RBPJ: variants seen among roughly 807,000 people sequenced by gnomAD.
RBPJ encodes recombining binding protein suppressor of hairless.
Under a neutral mutation model 67.8 loss-of-function variants are expected in RBPJ, and 9 were observed. That is an observed-to-expected ratio of 0.13 (90% CI 0.08 to 0.23). RBPJ has a LOEUF of 0.23. Among genes scored for constraint, RBPJ ranks in the 10% least tolerant of loss-of-function variants. The pLI is 1.00. For missense variants in RBPJ, 305 were observed against 595.6 expected (o/e 0.51, Z 5.08); for synonymous variants, 198 against 203.3 (o/e 0.97, Z 0.22).
At chr4:26,240,979 C>T (rs868285988) in intron 1 of RBPJ, among the ~76,000 whole-genome samples, 4 of 152,088 alleles carry the variant, frequency 2.6e-5, no homozygotes, top group South Asian at 2.1e-4. Context: ...ACATATCACA[C>T]GTATATAAAT....
chr4:26,295,086 G>A (rs1471677556), intron 1 of RBPJ, among the ~76,000 whole-genome samples: 1 of 152,044 alleles, frequency 6.6e-6, no homozygotes, highest in Non-Finnish European at 1.5e-5. Context: ...TTGGGCTTTG[G>A]GACAAAGAGC....
At chr4:26,122,327 G>A in the RBPJ span, among the ~76,000 whole-genome samples, 1 of 152,104 alleles carries the variant, frequency 6.6e-6, no homozygotes, top group Non-Finnish European at 1.5e-5. Context: ...CCATTAAGTT[G>A]ATTTGGGTTA....
At chr4:26,242,386 G>T (rs1719670305) in intron 1 of RBPJ, among the ~76,000 whole-genome samples, 3 of 150,808 alleles carry the variant, frequency 2.0e-5, no homozygotes, top group African/African-American at 4.9e-5. Context: ...GGTGGAACTT[G>T]CAGTGACAGG....
intron 1 of RBPJ, among the ~76,000 whole-genome samples, chr4:26,169,008 TG>T (rs1716437805): frequency 6.6e-6 from 1 of 152,246 alleles, no homozygotes; most frequent in South Asian, 2.1e-4. Context: ...TCCTTGCCTT[TG>T]GTTTGAATTT....
the RBPJ span, chr4:26,112,985 C>T: frequency 6.7e-4 from 103 of 154,152 alleles, no homozygotes; most frequent in Non-Finnish European, 1.2e-3. Flanking sequence ...AACTCCTGGC[C>T]TCAAGTGATC....
chr4:26,409,564 A>G (rs1166371360), intron 3 of RBPJ, among the ~76,000 whole-genome samples: 3 of 152,072 alleles, frequency 2.0e-5, no homozygotes, highest in East Asian at 1.9e-4. Flanking sequence ...CAGTGGTGCA[A>G]TCTTGGCTTA....
intron 1 of RBPJ, among the ~76,000 whole-genome samples, chr4:26,289,384 C>CAAAAAAAAAAAAAAAAAAAAA (rs60159669): frequency 5.5e-4 from 43 of 78,310 alleles, no homozygotes; most frequent in African/African-American, 1.8e-3. Flanking sequence ...GACTTGGTCT[C>CAAAAAAAAAAAAAAAAAAAAA]AAAAAAAAAA....
At chr4:26,330,027 G>A (rs1168049928) in intron 1 of RBPJ, among the ~76,000 whole-genome samples, 1 of 152,170 alleles carries the variant, frequency 6.6e-6, no homozygotes, top group African/African-American at 2.4e-5. Flanking sequence ...CCCTTCAGAA[G>A]GGAGGGTAGG....
the RBPJ span, among the ~76,000 whole-genome samples, chr4:26,142,877 G>A: frequency 2.6e-4 from 39 of 152,284 alleles, no homozygotes; most frequent in Non-Finnish European, 4.7e-4. Context: ...TGCCTTCCAG[G>A]TTCAAGGGAT....
At chr4:26,244,118 G>T (rs1719741714) in intron 1 of RBPJ, among the ~76,000 whole-genome samples, 1 of 145,344 alleles carries the variant, frequency 6.9e-6, no homozygotes, top group African/African-American at 2.6e-5. Context: ...AGAAGAAAAA[G>T]AAACTTTAAA....
chr4:26,342,462 G>T (rs1313360141), intron 1 of RBPJ, among the ~76,000 whole-genome samples: 1 of 152,168 alleles, frequency 6.6e-6, no homozygotes, highest in Non-Finnish European at 1.5e-5. Context: ...CTGCTTTGTA[G>T]TATGAACATC....
chr4:26,109,581 A>C, the RBPJ span, among the ~76,000 whole-genome samples: 9,334 of 21,310 alleles, frequency 0.44, 2,779 homozygotes, highest in East Asian at 0.59. Flanking sequence ...CTCTCTCTCT[A>C]TATATATATA....
At chr4:26,394,269 C>T (rs914860256) in intron 2 of RBPJ, among the ~76,000 whole-genome samples, 15 of 152,052 alleles carry the variant, frequency 9.9e-5, no homozygotes, top group South Asian at 2.1e-4. Context: ...CCACGTGATC[C>T]GCCCTCCTTG....
At chr4:26,257,868 AT>A (rs1414433864) in intron 1 of RBPJ, among the ~76,000 whole-genome samples, 3 of 152,230 alleles carry the variant, frequency 2.0e-5, no homozygotes, top group Admixed American at 1.3e-4. Flanking sequence ...TGTAACCCAA[AT>A]AACCTGGGCA....
At chr4:26,398,993 A>ATC (rs1732474026) in intron 2 of RBPJ, among the ~76,000 whole-genome samples, 1 of 152,196 alleles carries the variant, frequency 6.6e-6, no homozygotes, top group Non-Finnish European at 1.5e-5. Context: ...TTTGCAGTGC[A>ATC]TCTTTACCTT....
intron 1 of RBPJ, among the ~76,000 whole-genome samples, chr4:26,270,876 C>G (rs569386534): frequency 1.3e-5 from 2 of 152,078 alleles, no homozygotes; most frequent in South Asian, 2.1e-4. Flanking sequence ...GCCTCCCCCC[C>G]ACCCTTATCC....
At chr4:26,301,808 T>C (rs1480475005) in intron 1 of RBPJ, among the ~76,000 whole-genome samples, 1 of 151,946 alleles carries the variant, frequency 6.6e-6, no homozygotes. Context: ...TATTTATTTA[T>C]TTGAGACCAT....
At chr4:26,197,822 G>A (rs2109149619) in intron 1 of RBPJ, among the ~76,000 whole-genome samples, 1 of 152,264 alleles carries the variant, frequency 6.6e-6, no homozygotes, top group East Asian at 1.9e-4. Flanking sequence ...GAGAGGAGGG[G>A]AAGGGAAGGG....
chr4:26,244,905 A>G (rs978411319), intron 1 of RBPJ, among the ~76,000 whole-genome samples: 4 of 152,172 alleles, frequency 2.6e-5, no homozygotes, highest in Non-Finnish European at 2.9e-5. Flanking sequence ...AAGTGCTAGG[A>G]TTACAGGCAT....
Sources: allele counts gnomAD v4.1 joint callset (sites outside exome capture counted in the v4.1 genomes callset), GRCh38; gene constraint gnomAD v4.1.1; transcripts MANE v1.5; gene names NCBI Gene and HGNC (gene_info 2026-07-23, HGNC 2026-07-21).